Variants in FGFR1OP2 observed in about 807,000 individuals in gnomAD.
FGFR1OP2 encodes the protein fibroblast growth factor receptor 1 oncogene partner 2.
FGFR1OP2 carries 17 observed loss-of-function variants against 35.2 expected under a neutral mutation model. The observed-to-expected ratio is 0.48, with a 90% CI of 0.33 to 0.73. The LOEUF is 0.73. FGFR1OP2 is among the 30% of genes least tolerant of loss of function. The pLI is 0.02. For synonymous variants in FGFR1OP2, 105 were observed against 104.6 expected (o/e 1.00, Z -0.03); for missense variants, 251 against 307.3 (o/e 0.82, Z 1.37).
chr12:26,941,300 C>T lies in FGFR1OP2; in HGVS notation c.-15+2590C>T, dbSNP rs569863192. 1.2e-3 allele frequency among the ~76,000 whole-genome samples: 187 copies of T among 152,208 alleles called. 1 individual carries two copies. Among genetic ancestry groups the T allele is most frequent in the African/African-American group, 4.3e-3 (179 of 41,536 alleles). On this transcript the variant is annotated intron_variant, in intron 1 of 6. Transcript: ENST00000229395. ...GAGAGTTTGGAAAACAGTCTTCTTCCTCCCACTCCACTTCCTGGCCAAAAA... is the reference window on the plus strand; with the variant it reads ...GAGAGTTTGGAAAACAGTCTTCTTCTTCCCACTCCACTTCCTGGCCAAAAA...
chr12:26,952,945 C>T lies in FGFR1OP2; in HGVS notation c.-14-1200C>T, dbSNP rs1483483874. On this transcript the variant is annotated intron_variant, in intron 1 of 6. Coordinates refer to ENST00000229395, the MANE Select transcript of FGFR1OP2 (RefSeq NM_015633.3). The stretch of plus-strand genomic sequence containing the variant: ...TGAAGAAAGGATGACTTATATTGAA[C>T]GTTAGGTAAAACTTAGTAGAAAGAT... 2.6e-5 allele frequency among the ~76,000 whole-genome samples: 4 copies of T among 151,860 alleles called. No individual in the cohort carries two copies. The East Asian group carries it at 7.7e-4, about 29-fold the overall frequency.
intron 1 of FGFR1OP2, among the ~76,000 whole-genome samples, chr12:26,953,314 G>A (rs945899050): frequency 2.0e-5 from 3 of 150,952 alleles, no homozygotes; most frequent in African/African-American, 4.9e-5. Flanking sequence ...TTCAAGGAGG[G>A]TAAGTGTAAG....
intron 4 of FGFR1OP2, among the ~76,000 whole-genome samples, chr12:26,958,479 G>C (rs1939056866): frequency 6.6e-6 from 1 of 152,158 alleles, no homozygotes; most frequent in Non-Finnish European, 1.5e-5. Flanking sequence ...GTTTAATGTA[G>C]ATTTTTCTTA....
chr12:26,951,299 C>T (rs977159167), intron 1 of FGFR1OP2, among the ~76,000 whole-genome samples: 12 of 151,898 alleles, frequency 7.9e-5, no homozygotes, highest in African/African-American at 2.7e-4. Flanking sequence ...AGGCACCCCC[C>T]GACCAGGCCC....
intron 3 of FGFR1OP2, 28 bp from the exon 4 acceptor site, chr12:26,957,573 G>A (rs1465993790): frequency 6.3e-7 from 1 of 1,586,134 alleles, no homozygotes. Context: ...ACTCAAGTTG[G>A]AATAAAATAC....
intron 1 of FGFR1OP2, among the ~76,000 whole-genome samples, chr12:26,951,922 A>G (rs866220369): frequency 7.2e-5 from 11 of 152,306 alleles, no homozygotes; most frequent in South Asian, 4.1e-4. Context: ...CTTGAGTTCT[A>G]TTAAACCAAG....
At chr12:26,954,997 G>C (rs973434352) in intron 2 of FGFR1OP2, among the ~76,000 whole-genome samples, 1 of 152,176 alleles carries the variant, frequency 6.6e-6, no homozygotes, top group African/African-American at 2.4e-5. Flanking sequence ...TTTGTAAAAG[G>C]AAGCAATTCT....
chr12:26,941,200 C>T (rs922561565), intron 1 of FGFR1OP2, among the ~76,000 whole-genome samples: 1 of 151,862 alleles, frequency 6.6e-6, no homozygotes, highest in African/African-American at 2.4e-5. Flanking sequence ...AAGGTAGGCA[C>T]TATAAAAATA....
rs1418366431 is a variant in FGFR1OP2, at chr12:26,966,543, T to TG, written c.*1810_*1811insG. ...ATTTAGTGACACATTTCCATCCTAT[T>TG]TTTTTTTTTTTTTTGGTTGTTGTTA... On this transcript the variant is annotated 3_prime_UTR_variant, in exon 7 of 7. Coordinates refer to ENST00000229395, the MANE Select transcript of FGFR1OP2 (RefSeq NM_015633.3). 6.8e-6 allele frequency: 1 copy of TG among 147,904 alleles called. No homozygotes were observed. The highest frequency in any genetic ancestry group is 2.0e-4 in the East Asian group (1 of 5,104). The allele number at this position is 147,904 out of a possible 1,614,324, so 9.2% of individuals were successfully genotyped here.
intron 1 of FGFR1OP2, among the ~76,000 whole-genome samples, chr12:26,940,800 G>A (rs1938722579): frequency 1.3e-5 from 2 of 151,958 alleles, no homozygotes; most frequent in South Asian, 4.1e-4. Context: ...ATGGTTGCTA[G>A]GCTTTTATTA....
intron 1 of FGFR1OP2, among the ~76,000 whole-genome samples, chr12:26,944,284 A>G (rs1938787075): frequency 6.6e-6 from 1 of 152,000 alleles, no homozygotes; most frequent in Non-Finnish European, 1.5e-5. Flanking sequence ...TCCTAGCCTT[A>G]TTACACCAAT....
Position 26,938,558 on chromosome 12 carries a change from C to T in FGFR1OP2, c.-167C>T, listed in dbSNP as rs1034333582. 3.3e-5 allele frequency: 5 copies of T among 152,346 alleles called. No homozygotes were observed. Among genetic ancestry groups the T allele is most frequent in the African/African-American group, 1.2e-4 (5 of 41,460 alleles). The allele number at this position is 152,346 out of a possible 1,614,324, so 9.4% of individuals were successfully genotyped here. A position where few individuals can be genotyped will look rare whatever the true frequency, so the allele number is the denominator to read the frequency against. The stretch of plus-strand genomic sequence containing the variant: ...TGAACGCCACTGGCTTCCCGGCCTT[C>T]CGTCCGCTGCCTCCGTCCGATTCTG... On this transcript the variant is annotated 5_prime_UTR_variant, in exon 1 of 7. Coordinates refer to ENST00000229395, the MANE Select transcript of FGFR1OP2 (RefSeq NM_015633.3).
chr12:26,964,455 A>G (rs1307338232), intron 6 of FGFR1OP2, 141 bp from the exon 7 acceptor site: 4 of 794,454 alleles, frequency 5.0e-6, no homozygotes, highest in Middle Eastern at 3.4e-4. Context: ...AACTGCATAT[A>G]TCATTGAGTA....
intron 1 of FGFR1OP2, among the ~76,000 whole-genome samples, chr12:26,951,510 G>T (rs906754191): frequency 2.0e-5 from 3 of 152,092 alleles, no homozygotes; most frequent in African/African-American, 7.2e-5. Context: ...AGTAGAGACG[G>T]TGTTTCACCA....
chr12:26,940,603 A>G lies in FGFR1OP2; in HGVS notation c.-15+1893A>G, dbSNP rs148205070. Among the ~76,000 whole-genome samples, 780 of 152,340 alleles carry G rather than the reference A, an allele frequency of 5.1e-3. 6 individuals carry two copies. The highest frequency in any genetic ancestry group is 0.018 in the African/African-American group (736 of 41,572). On this transcript the variant is annotated intron_variant, in intron 1 of 6. Coordinates refer to ENST00000229395, the MANE Select transcript of FGFR1OP2 (RefSeq NM_015633.3). Reference sequence around the variant, plus strand: ...ATGTACTAATTAATATTAGAGACACATACCTGAACATGAAAAAATTTAAAC... The same window carrying G: ...ATGTACTAATTAATATTAGAGACACGTACCTGAACATGAAAAAATTTAAAC...
At position 26,964,920 on chromosome 12, in the gene FGFR1OP2, A is replaced by T. The variant is rs1318998370; in HGVS notation, c.*187A>T. 5 of 527,162 alleles carry T rather than the reference A, an allele frequency of 9.5e-6. No homozygotes were observed. The highest frequency in any genetic ancestry group is 3.4e-5 in the Admixed American group (1 of 29,134). 32.7% of individuals were successfully genotyped at this position (527,162 alleles called of 1,614,324 possible). On this transcript the variant is annotated 3_prime_UTR_variant, in exon 7 of 7. Coordinates refer to ENST00000229395, the MANE Select transcript of FGFR1OP2 (RefSeq NM_015633.3). ...CTTTATTCCAAAACATAATTGGAAA[A>T]TAGAAACTGAGCCATTGCCAAATGG...
chr12:26,943,356 A>G (rs926547370), intron 1 of FGFR1OP2, among the ~76,000 whole-genome samples: 1 of 152,188 alleles, frequency 6.6e-6, no homozygotes. Context: ...GGTAGTGTGA[A>G]AAAAACTGAA....
intron 5 of FGFR1OP2, chr12:26,962,698 G>C (rs1227631706): frequency 6.6e-6 from 1 of 152,182 alleles, no homozygotes; most frequent in East Asian, 1.9e-4. Flanking sequence ...GCTACTTGCT[G>C]CGCCTAACAA....
rs114243261 is a variant in FGFR1OP2 at position 26,964,366 on chromosome 12, A to G, written c.625-230A>G. Among the ~76,000 whole-genome samples the G allele has an allele frequency of 6.5e-3, 991 of 152,246 alleles. 9 individuals are homozygous for G. The highest frequency in any genetic ancestry group is 0.023 in the African/African-American group (954 of 41,560). On this transcript the variant is annotated intron_variant, in intron 6 of 6. Transcript: ENST00000229395. ...CTTCTGTTTACAATTATAGCTGCTTAAGTAAGAAGGCTTTGCAGTGGTGGA... is the reference window on the plus strand; with the variant it reads ...CTTCTGTTTACAATTATAGCTGCTTGAGTAAGAAGGCTTTGCAGTGGTGGA...
Sources: gnomAD v4.1 joint callset for allele counts (sites outside exome capture counted in the v4.1 genomes callset) on GRCh38, gnomAD v4.1.1 for gene constraint, MANE v1.5 for transcripts, NCBI Gene and HGNC (gene_info 2026-07-23, HGNC 2026-07-21) for gene names.